TRIM9: variants seen among roughly 807,000 people sequenced by gnomAD.
The protein encoded by TRIM9 is E3 ubiquitin-protein ligase TRIM9.
In TRIM9, 26 loss-of-function variants were observed where a neutral mutation model predicts 78.3. The ratio of observed to expected loss-of-function variants is 0.33; its 90% CI spans 0.24 to 0.46. TRIM9 has a LOEUF of 0.46. Ranked by LOEUF, TRIM9 falls within the 20% of genes least tolerant of loss-of-function variation. The pLI is 1.00. For synonymous variants in TRIM9, 398 were observed against 416.5 expected (o/e 0.96, Z 0.54); for missense variants, 787 against 1,036.4 (o/e 0.76, Z 3.30).
intron 1 of TRIM9, among the ~76,000 whole-genome samples, chr14:51,027,101 T>C (rs184947778): frequency 2.3e-4 from 35 of 151,150 alleles, no homozygotes; most frequent in South Asian, 1.9e-3. Context: ...GCACAGTGCA[T>C]GATGCGTGCT....
chr14:50,998,718 T>G (rs2054557441), intron 6 of TRIM9, among the ~76,000 whole-genome samples: 1 of 152,140 alleles, frequency 6.6e-6, no homozygotes, highest in South Asian at 2.1e-4. Flanking sequence ...CCACCGGGGA[T>G]AGGTTTTCAT....
chr14:51,074,326 T>A (rs920697828), intron 1 of TRIM9, among the ~76,000 whole-genome samples: 1 of 152,026 alleles, frequency 6.6e-6, no homozygotes, highest in African/African-American at 2.4e-5. Context: ...ATGTAAATAA[T>A]GGTATGTAAA....
chr14:51,047,131 A>G (rs769083221), intron 1 of TRIM9, among the ~76,000 whole-genome samples: 3 of 152,252 alleles, frequency 2.0e-5, no homozygotes, highest in African/African-American at 2.4e-5. Flanking sequence ...TGGGGTTGAC[A>G]CTTGTGTTTA....
At chr14:51,012,973 T>C (rs556660491) in intron 3 of TRIM9, among the ~76,000 whole-genome samples, 14 of 152,358 alleles carry the variant, frequency 9.2e-5, no homozygotes, top group African/African-American at 3.1e-4. Flanking sequence ...TTTTCAAATA[T>C]TTCATACTGT....
intron 1 of TRIM9, among the ~76,000 whole-genome samples, chr14:51,081,605 C>G (rs2063314282): frequency 6.6e-6 from 1 of 152,182 alleles, no homozygotes; most frequent in Non-Finnish European, 1.5e-5. Context: ...AGGATCAGTC[C>G]CACAGGATTG....
intron 1 of TRIM9, among the ~76,000 whole-genome samples, chr14:51,057,764 C>T (rs1055301438): frequency 5.3e-5 from 8 of 152,220 alleles, no homozygotes; most frequent in Non-Finnish European, 8.8e-5. Flanking sequence ...GTAATGTAGC[C>T]TATTGACTAG....
intron 1 of TRIM9, among the ~76,000 whole-genome samples, chr14:51,058,968 C>T (rs8006878): frequency 0.3 from 45,289 of 152,036 alleles, 7,293 homozygotes; most frequent in African/African-American, 0.41. Context: ...AGAAGGGTTG[C>T]GGAATCTTGG....
intron 7 of TRIM9, among the ~76,000 whole-genome samples, chr14:50,986,997 C>A (rs1283416200): frequency 6.6e-6 from 1 of 152,124 alleles, no homozygotes; most frequent in African/African-American, 2.4e-5. Flanking sequence ...TAAAATTGGT[C>A]CTTTCTATTT....
chr14:51,028,539 G>A (rs1006846917), intron 1 of TRIM9, among the ~76,000 whole-genome samples: 1 of 152,240 alleles, frequency 6.6e-6, no homozygotes, highest in African/African-American at 2.4e-5. Flanking sequence ...ACAGAGCAGT[G>A]CTGGAAATTT....
intron 3 of TRIM9, among the ~76,000 whole-genome samples, chr14:51,022,068 C>A (rs35852938): frequency 0.061 from 9,258 of 152,228 alleles, 424 homozygotes; most frequent in East Asian, 0.17. Context: ...TCTTTTCCTA[C>A]TTTTAGAATT....
chr14:51,009,815 G>T (rs1426022823), intron 4 of TRIM9, among the ~76,000 whole-genome samples: 1 of 152,172 alleles, frequency 6.6e-6, no homozygotes, highest in Non-Finnish European at 1.5e-5. Context: ...AGATCTACAT[G>T]TTCCTTAACA....
intron 7 of TRIM9, among the ~76,000 whole-genome samples, chr14:50,994,247 A>C (rs1247187687): frequency 1.3e-5 from 2 of 152,182 alleles, no homozygotes. Flanking sequence ...CTCTACAAAA[A>C]ATTTAAAAAA....
chr14:51,020,239 G>C (rs952764806), intron 3 of TRIM9, among the ~76,000 whole-genome samples: 7 of 152,162 alleles, frequency 4.6e-5, no homozygotes, highest in Non-Finnish European at 8.8e-5. Context: ...GTAGCAACAA[G>C]AGTGACAAGA....
intron 1 of TRIM9, among the ~76,000 whole-genome samples, chr14:51,078,525 TA>T (rs2063007653): frequency 6.6e-6 from 1 of 152,060 alleles, no homozygotes; most frequent in Admixed American, 6.5e-5. Context: ...CATTCAGCCT[TA>T]AAAAAGAAGA....
chr14:51,009,050 C>T, intron 5 of TRIM9, 30 bp downstream of exon 5: 1 of 1,610,734 alleles, frequency 6.2e-7, no homozygotes. Context: ...CAGGATGTTG[C>T]TCTCTGACTT....
At chr14:51,001,901 G>A (rs907163654) in intron 5 of TRIM9, among the ~76,000 whole-genome samples, 11 of 152,182 alleles carry the variant, frequency 7.2e-5, no homozygotes, top group Non-Finnish European at 7.3e-5. Context: ...TGACAAGGAG[G>A]CTCAAGATGT....
In TRIM9 at chr14:51,018,739, T is replaced by C. The variant is rs138418775; in HGVS notation, c.1041+4096A>G. 3.0e-3 allele frequency among the ~76,000 whole-genome samples: 462 copies of C among 152,312 alleles called. 2 individuals carry two copies. The highest frequency in any genetic ancestry group is 6.8e-3 in the Middle Eastern group (2 of 294). Reference sequence around the variant, plus strand: ...TCTCATCAGCCCTCAGCATCCTCGCTGAGTAATTTTGTTGGTATGTTAAAT... The same window carrying C: ...TCTCATCAGCCCTCAGCATCCTCGCCGAGTAATTTTGTTGGTATGTTAAAT... On this transcript the variant is annotated intron_variant, in intron 3 of 12. Transcript: ENST00000684578.
chr14:51,020,745 C>T (rs745528415), intron 3 of TRIM9, among the ~76,000 whole-genome samples: 17 of 152,344 alleles, frequency 1.1e-4, no homozygotes, highest in South Asian at 4.1e-4. Context: ...AGGAGGGCAA[C>T]GGGGCTTCTC....
intron 1 of TRIM9, 55 bp from the exon 2 acceptor site, chr14:51,025,415 G>A: frequency 2.2e-6 from 1 of 450,294 alleles, no homozygotes; most frequent in East Asian, 4.1e-5. Context: ...ACACCAACAA[G>A]GCCAGCGAGA....
Sources: allele counts gnomAD v4.1 joint callset (sites outside exome capture counted in the v4.1 genomes callset), GRCh38; gene constraint gnomAD v4.1.1; transcripts MANE v1.5; gene names NCBI Gene and HGNC (gene_info 2026-07-23, HGNC 2026-07-21).